Variants in HECW2 observed in about 807,000 individuals in gnomAD.
HECW2 encodes HECT, C2 and WW domain containing E3 ubiquitin protein ligase 2.
Under a neutral mutation model 175.2 loss-of-function variants are expected in HECW2, and 61 were observed. That is an observed-to-expected ratio of 0.35 (90% CI 0.28 to 0.43). The LOEUF is 0.43. Among genes scored for constraint, HECW2 ranks in the 20% least tolerant of loss-of-function variants. The probability of loss-of-function intolerance (pLI) is 1.00; values close to 1 mark genes in which losing one functional copy is unlikely to be tolerated. For synonymous variants in HECW2, 671 were observed against 731.0 expected, an observed-to-expected ratio of 0.92 and a Z score of 1.32; for missense variants, 1,524 against 2,000.5, an observed-to-expected ratio of 0.76 and a Z score of 4.54.
intron 17 of HECW2, among the ~76,000 whole-genome samples, chr2:196,270,297 G>T (rs1022767829): frequency 6.6e-6 from 1 of 152,158 alleles, no homozygotes; most frequent in Non-Finnish European, 1.5e-5. Flanking sequence ...GGTTTTAGTG[G>T]AAAAATCTTG....
At chr2:196,429,943 T>G (rs963348420) in intron 2 of HECW2, among the ~76,000 whole-genome samples, 4 of 152,116 alleles carry the variant, frequency 2.6e-5, no homozygotes, top group Non-Finnish European at 4.4e-5. Flanking sequence ...GAGAGCAGCT[T>G]TACAGGGCTG....
chr2:196,294,201 T>C (rs544113823), intron 13 of HECW2, among the ~76,000 whole-genome samples: 34 of 152,340 alleles, frequency 2.2e-4, no homozygotes, highest in African/African-American at 3.8e-4. Flanking sequence ...TATGTCATGA[T>C]TGTCCACATA....
At chr2:196,579,536 G>A (rs144247095) in intron 1 of HECW2, among the ~76,000 whole-genome samples, 36 of 152,178 alleles carry the variant, frequency 2.4e-4, no homozygotes, top group African/African-American at 8.4e-4. Flanking sequence ...TGTATAATCA[G>A]AGATAAAAAT....
At chr2:196,545,409 GA>G (rs1187262580) in intron 1 of HECW2, among the ~76,000 whole-genome samples, 1 of 152,172 alleles carries the variant, frequency 6.6e-6, no homozygotes, top group Non-Finnish European at 1.5e-5. Context: ...CGGGAGAGCA[GA>G]AGGAAGAAAT....
intron 1 of HECW2, among the ~76,000 whole-genome samples, chr2:196,566,528 C>T (rs1005992035): frequency 1.4e-5 from 2 of 148,140 alleles, no homozygotes; most frequent in Non-Finnish European, 3.0e-5. Context: ...CTATACTTTT[C>T]TTTTTCTTTT....
At chr2:196,341,565 C>T (rs950974267) in intron 3 of HECW2, among the ~76,000 whole-genome samples, 15 of 152,254 alleles carry the variant, frequency 9.9e-5, no homozygotes, top group African/African-American at 3.6e-4. Flanking sequence ...AAACCATCCT[C>T]ATTCACATGT....
At position 196,462,109 on chromosome 2, in the gene HECW2, T is replaced by C. The variant is rs368977630; in HGVS notation, c.-35-28651A>G. On this transcript the variant is annotated intron_variant, in intron 1 of 28. Transcript: ENST00000644978. The stretch of plus-strand genomic sequence containing the variant: ...ACATTTAGAAACAGGTTTTTTCCTC[T>C]TCATAACATAATTTGAATCATATTA... Among the ~76,000 whole-genome samples, 25 of 152,272 alleles carry C rather than the reference T, an allele frequency of 1.6e-4. No homozygotes were observed. The East Asian group carries it at 1.7e-3, about 11-fold the overall frequency.
chr2:196,257,628 A>C, intron 18 of HECW2, 195 bp downstream of exon 18: 1 of 578,658 alleles, frequency 1.7e-6, no homozygotes, highest in South Asian at 2.1e-5. Context: ...AATTAAACAG[A>C]TCTCAGTGTA....
intron 7 of HECW2, 21 bp from the exon 8 acceptor site, chr2:196,320,460 C>G: frequency 6.5e-7 from 1 of 1,534,384 alleles, no homozygotes; most frequent in Non-Finnish European, 9.0e-7. Flanking sequence ...AGAAATGCTT[C>G]TTTCATCCTG....
At chr2:196,437,608 T>C (rs1695916064) in intron 1 of HECW2, among the ~76,000 whole-genome samples, 1 of 1,048 alleles carries the variant, frequency 9.5e-4, no homozygotes, top group Non-Finnish European at 5.0e-3. Context: ...TGAGACTCTG[T>C]CTCAAAAAAA....
chr2:196,528,337 G>A (rs1031803981), intron 1 of HECW2, among the ~76,000 whole-genome samples: 2 of 152,172 alleles, frequency 1.3e-5, no homozygotes, highest in Non-Finnish European at 2.9e-5. Context: ...CTAGTGGAAA[G>A]CAGAGTCAAC....
intron 23 of HECW2, among the ~76,000 whole-genome samples, chr2:196,222,617 G>A (rs926702177): frequency 2.0e-5 from 3 of 152,156 alleles, no homozygotes; most frequent in Non-Finnish European, 4.4e-5. Context: ...GAGGTGCAAA[G>A]AATGAGTGCC....
chr2:196,399,458 C>G (rs1178061109), intron 2 of HECW2, among the ~76,000 whole-genome samples: 2 of 152,194 alleles, frequency 1.3e-5, no homozygotes, highest in Non-Finnish European at 2.9e-5. Flanking sequence ...CTCTGGGAAG[C>G]ACTATTTTAA....
intron 23 of HECW2, among the ~76,000 whole-genome samples, chr2:196,225,471 C>A (rs58195727): frequency 0.027 from 4,056 of 152,204 alleles, 137 homozygotes; most frequent in East Asian, 0.17. Context: ...CCACAGGAAT[C>A]CCAGGGCTGT....
Position 196,319,399 on chromosome 2 carries a change from A to G in HECW2, c.1491T>C (p.Ala497=). 6.2e-7 allele frequency: 1 copy of G among 1,614,032 alleles called. No homozygotes were observed. The highest frequency in any genetic ancestry group is 8.5e-7 in the Non-Finnish European group (1 of 1,179,996). The change falls in exon 9 of 29, where the codon GCT becomes GCC. Residue 497 remains alanine, a synonymous_variant. Transcript: ENST00000644978. ...TCTGAGATGTCAGGCTTCCATCATC[A>G]GCTCTGGATGCCCTGCTAAACATGA... ...GLIMFSRASR[A]DDGSLTSQTK... is the part of the protein sequence containing the mutation.
Position 196,248,995 on chromosome 2 carries a change from C to G in HECW2, c.3529+4925G>C, listed in dbSNP as rs562080414. On this transcript the variant is annotated intron_variant, in intron 19 of 28. Coordinates refer to ENST00000644978, the MANE Select transcript of HECW2 (RefSeq NM_001348768.2). Reference sequence around the variant, plus strand: ...CATGATTCATAGGCACAATGATCCCCCCAAACCATGAAATATCCTCAATGT... The same window carrying G: ...CATGATTCATAGGCACAATGATCCCGCCAAACCATGAAATATCCTCAATGT... Among the ~76,000 whole-genome samples the G allele has an allele frequency of 1.1e-4, 16 of 152,148 alleles. No homozygotes were observed. In the South Asian group the frequency reaches 1.5e-3, roughly 14 times the overall value.
chr2:196,319,610 C>A lies in HECW2; in HGVS notation c.1280G>T (p.Gly427Val). Residue 427 changes from glycine (G) to valine (V), a missense_variant, in exon 9 of 29, where the codon GGC becomes GTC. Around this residue, in one of 11 missense-constraint regions of HECW2, gnomAD observed 604 missense variants for 588.3 expected, o/e 1.03. Coordinates refer to ENST00000644978, the MANE Select transcript of HECW2 (RefSeq NM_001348768.2). ...GGTCGCTGTCCCCGGCCTGGAGTGGCCATTGTGTTCGATAGCATCTAAGTA... is the reference window on the plus strand; with the variant it reads ...GGTCGCTGTCCCCGGCCTGGAGTGGACATTGTGTTCGATAGCATCTAAGTA... The part of the protein sequence containing the change: ...NDYLDAIEHN[G>V]HSRPGTATCS... 6.2e-7 allele frequency: 1 copy of A among 1,614,214 alleles called. No homozygotes were observed. Among genetic ancestry groups the A allele is most frequent in the Non-Finnish European group, 8.5e-7 (1 of 1,180,034 alleles).
At chr2:196,210,585 A>T (rs990905883) in intron 28 of HECW2, among the ~76,000 whole-genome samples, 7 of 151,520 alleles carry the variant, frequency 4.6e-5, no homozygotes, top group Non-Finnish European at 8.8e-5. Context: ...TTTTTGTAAA[A>T]TTTTCTTTTT....
chr2:196,335,149 C>T (rs1223726104), intron 3 of HECW2, among the ~76,000 whole-genome samples: 5 of 152,206 alleles, frequency 3.3e-5, no homozygotes, highest in Admixed American at 3.3e-4. Flanking sequence ...ACCCAGTAGA[C>T]AGGGATCAAA....
Sources: allele counts gnomAD v4.1 joint callset (sites outside exome capture counted in the v4.1 genomes callset), GRCh38; gene constraint gnomAD v4.1.1; regional missense constraint gnomAD v4.1.1; transcripts MANE v1.5; gene names NCBI Gene and HGNC (gene_info 2026-07-23, HGNC 2026-07-21).